The following EPHA6 variants were observed in gnomAD, a reference collection of about 807,000 sequenced individuals.
EPHA6 encodes the protein ephrin type-A receptor 6.
A neutral mutation model predicts 112.0 loss-of-function variants in EPHA6; 50 were observed. That is an observed-to-expected ratio of 0.45 (90% CI 0.36 to 0.56). The LOEUF (loss-of-function observed/expected upper bound fraction) is 0.56, where lower values mean the gene tolerates loss of function less well. Among genes scored for constraint, EPHA6 ranks in the 20% least tolerant of loss-of-function variants. EPHA6 has a pLI of 0.00. For missense variants in EPHA6, 1,280 were observed against 1,417.4 expected, an observed-to-expected ratio of 0.90 and a Z score of 1.56; for synonymous variants, 529 against 490.7, an observed-to-expected ratio of 1.08 and a Z score of -1.03.
rs543389529 is a variant in EPHA6, at chr3:97,217,354, T to C, written c.1115-8910T>C. On this transcript the variant is annotated intron_variant, in intron 3 of 17. Transcript: ENST00000389672. Reference sequence around the variant, plus strand: ...GATGGTAAAAAGTATGTCACTTTTCTAAAAGAACATAGGAAAAGAGGAAAA... The same window carrying C: ...GATGGTAAAAAGTATGTCACTTTTCCAAAAGAACATAGGAAAAGAGGAAAA... Among the ~76,000 whole-genome samples, 38 of 152,236 alleles carry C rather than the reference T, an allele frequency of 2.5e-4. No individual in the cohort carries two copies. In the South Asian group the frequency reaches 7.5e-3, roughly 30 times the overall value.
intron 5 of EPHA6, among the ~76,000 whole-genome samples, chr3:97,367,564 TTTTA>T (rs2084807907): frequency 1.3e-5 from 2 of 151,854 alleles, no homozygotes; most frequent in African/African-American, 4.8e-5. Context: ...GGGGGGTTGT[TTTTA>T]TTTATTTTTT....
intron 6 of EPHA6, among the ~76,000 whole-genome samples, chr3:97,408,512 G>GT (rs1358870670): frequency 6.6e-6 from 1 of 151,668 alleles, no homozygotes; most frequent in Non-Finnish European, 1.5e-5. Context: ...CTCTTAGTCT[G>GT]TTTCGGCTAT....
chr3:97,140,085 A>G (rs2108349979), intron 3 of EPHA6, among the ~76,000 whole-genome samples: 1 of 152,252 alleles, frequency 6.6e-6, no homozygotes, highest in Non-Finnish European at 1.5e-5. Context: ...AATAAACTGT[A>G]AAAGACAAAA....
intron 15 of EPHA6, 150 bp from the exon 16 acceptor site, chr3:97,735,775 T>G: frequency 1.9e-6 from 1 of 519,012 alleles, no homozygotes. Context: ...GTTCACAGCT[T>G]TTGTATTTAT....
At chr3:97,531,329 C>T (rs1476909756) in intron 10 of EPHA6, among the ~76,000 whole-genome samples, 1 of 151,946 alleles carries the variant, frequency 6.6e-6, no homozygotes, top group Non-Finnish European at 1.5e-5. Flanking sequence ...ACTGAGAAAA[C>T]CCATTACCTT....
intron 13 of EPHA6, among the ~76,000 whole-genome samples, chr3:97,630,813 A>G (rs531323396): frequency 6.6e-6 from 1 of 152,092 alleles, no homozygotes; most frequent in African/African-American, 2.4e-5. Flanking sequence ...TTTTCTATGT[A>G]TCTACCTATT....
chr3:97,006,821 A>T (rs2612271), intron 3 of EPHA6, among the ~76,000 whole-genome samples: 1 of 151,802 alleles, frequency 6.6e-6, no homozygotes, highest in South Asian at 2.1e-4. Context: ...GTTCTCATTG[A>T]TTTCAAAGAA....
At chr3:97,394,418 A>G (rs898742215) in intron 5 of EPHA6, among the ~76,000 whole-genome samples, 3 of 151,836 alleles carry the variant, frequency 2.0e-5, no homozygotes, top group Non-Finnish European at 4.4e-5. Context: ...AAACTAAACA[A>G]TTGAGATTAG....
intron 3 of EPHA6, among the ~76,000 whole-genome samples, chr3:97,177,268 G>C (rs578027778): frequency 6.6e-6 from 1 of 151,932 alleles, no homozygotes; most frequent in East Asian, 1.9e-4. Context: ...TTTTTTGAAG[G>C]TTTAAAGACT....
chr3:97,068,992 G>T (rs77890961), intron 3 of EPHA6, among the ~76,000 whole-genome samples: 1 of 151,964 alleles, frequency 6.6e-6, no homozygotes, highest in Admixed American at 6.6e-5. Context: ...TGAGTAAGGC[G>T]CACGTGCGTA....
At position 97,102,388 on chromosome 3, in the gene EPHA6, T is replaced by G. The variant is rs574040965; in HGVS notation, c.1114+114395T>G. ...TACAGAACTGCGAGATACAATAAAA[T>G]TATTGTTATTTTAACCCATTAAATG... On this transcript the variant is annotated intron_variant, in intron 3 of 17. Coordinates refer to ENST00000389672, the MANE Select transcript of EPHA6 (RefSeq NM_001080448.3). 3.9e-5 allele frequency among the ~76,000 whole-genome samples: 6 copies of G among 152,138 alleles called. No homozygotes were observed. The East Asian group carries it at 9.7e-4, about 25-fold the overall frequency.
At chr3:97,554,193 G>A (rs1263369700) in intron 11 of EPHA6, among the ~76,000 whole-genome samples, 1 of 151,882 alleles carries the variant, frequency 6.6e-6, no homozygotes, top group Non-Finnish European at 1.5e-5. Context: ...AAAACAAAAA[G>A]TATAAGAAGT....
At chr3:97,032,062 G>C (rs532880065) in intron 3 of EPHA6, among the ~76,000 whole-genome samples, 2 of 152,246 alleles carry the variant, frequency 1.3e-5, no homozygotes, top group Admixed American at 1.3e-4. Flanking sequence ...GTCCAACAAT[G>C]ATAGACTGGA....
Position 97,498,027 on chromosome 3 carries a change from C to CAA in EPHA6, c.2200+13974_2200+13975dup, listed in dbSNP as rs201789571. ...ACTGAGGTTAAAACAAACAAACAAA[C>CAA]AAAAAAACACAGGAATATTGGGATA... On this transcript the variant is annotated intron_variant, in intron 10 of 17. Coordinates refer to ENST00000389672, the MANE Select transcript of EPHA6 (RefSeq NM_001080448.3). 6.5e-3 allele frequency among the ~76,000 whole-genome samples: 989 copies of CAA among 151,814 alleles called. 12 individuals are homozygous for CAA. Among genetic ancestry groups the CAA allele is most frequent in the African/African-American group, 0.022 (909 of 41,420 alleles).
At chr3:97,326,951 A>G (rs1310692762) in intron 5 of EPHA6, among the ~76,000 whole-genome samples, 2 of 152,080 alleles carry the variant, frequency 1.3e-5, no homozygotes, top group Non-Finnish European at 2.9e-5. Context: ...AAAGGAGCTT[A>G]TATCAGTGAT....
intron 14 of EPHA6, among the ~76,000 whole-genome samples, chr3:97,688,232 G>A (rs763044853): frequency 2.6e-5 from 4 of 151,768 alleles, no homozygotes; most frequent in Non-Finnish European, 4.4e-5. Context: ...TTATTTCTTC[G>A]AGTATATTTC....
At chr3:96,896,597 G>A (rs1357868303) in intron 2 of EPHA6, among the ~76,000 whole-genome samples, 1 of 152,066 alleles carries the variant, frequency 6.6e-6, no homozygotes, top group Non-Finnish European at 1.5e-5. Context: ...TCTCCATCAC[G>A]TTGCATTGGT....
chr3:96,987,049 G>A (rs1243124350), intron 2 of EPHA6, among the ~76,000 whole-genome samples: 1 of 152,126 alleles, frequency 6.6e-6, no homozygotes, highest in South Asian at 2.1e-4. Flanking sequence ...TGTGAAACAG[G>A]TACTATTATC....
intron 2 of EPHA6, among the ~76,000 whole-genome samples, chr3:96,871,264 C>T (rs1667821457): frequency 6.6e-6 from 1 of 151,878 alleles, no homozygotes; most frequent in South Asian, 2.1e-4. Flanking sequence ...TGTTAATTGC[C>T]ATCCACATAA....
Sources: gnomAD v4.1 joint callset for allele counts (sites outside exome capture counted in the v4.1 genomes callset) on GRCh38, gnomAD v4.1.1 for gene constraint, MANE v1.5 for transcripts, NCBI Gene and HGNC (gene_info 2026-07-23, HGNC 2026-07-21) for gene names.